Variants in OSBPL6 observed in about 807,000 individuals in gnomAD.
OSBPL6 encodes oxysterol-binding protein-related protein 6.
A neutral mutation model predicts 125.8 loss-of-function variants in OSBPL6; 49 were observed. The ratio of observed to expected loss-of-function variants is 0.39; its 90% CI spans 0.31 to 0.49. The LOEUF (loss-of-function observed/expected upper bound fraction) is 0.49. OSBPL6 is among the 20% of genes least tolerant of loss of function. The pLI, the probability that OSBPL6 is intolerant of heterozygous loss-of-function variation, is 0.88. For missense variants in OSBPL6, 986 were observed against 1,135.4 expected, an observed-to-expected ratio of 0.87 and a Z score of 1.89; for synonymous variants, 394 against 391.8, an observed-to-expected ratio of 1.01 and a Z score of -0.07.
intron 1 of OSBPL6, among the ~76,000 whole-genome samples, chr2:178,263,424 G>A (rs938755700): frequency 2.6e-5 from 4 of 152,224 alleles, no homozygotes; most frequent in African/African-American, 9.6e-5. Context: ...GTTGCAGTGA[G>A]CTGAGATTGC....
chr2:178,202,235 C>CT (rs1226879625), intron 1 of OSBPL6, among the ~76,000 whole-genome samples: 1 of 151,980 alleles, frequency 6.6e-6, no homozygotes, highest in African/African-American at 2.4e-5. Context: ...CCTTTCATTC[C>CT]TTTTTGCAGA....
chr2:178,323,498 T>C (rs540903474), intron 3 of OSBPL6: 2 of 152,270 alleles, frequency 1.3e-5, no homozygotes, highest in Admixed American at 1.3e-4. Context: ...AGTTTCCTTC[T>C]TGTTGCCCAG....
At chr2:178,269,512 A>G (rs930837208) in intron 1 of OSBPL6, among the ~76,000 whole-genome samples, 1 of 152,214 alleles carries the variant, frequency 6.6e-6, no homozygotes, top group South Asian at 2.1e-4. Context: ...CCCAACAGCA[A>G]TGTAAGAGAA....
At chr2:178,204,434 A>G (rs2089428663) in intron 1 of OSBPL6, among the ~76,000 whole-genome samples, 1 of 152,146 alleles carries the variant, frequency 6.6e-6, no homozygotes, top group Non-Finnish European at 1.5e-5. Context: ...TGTCAGCTCA[A>G]GTCTGCTGCC....
At chr2:178,255,690 T>C (rs942168950) in intron 1 of OSBPL6, among the ~76,000 whole-genome samples, 3 of 152,184 alleles carry the variant, frequency 2.0e-5, no homozygotes, top group Non-Finnish European at 4.4e-5. Context: ...TTCCTTCATA[T>C]CACTGTGGGA....
chr2:178,356,890 T>C (rs1292630906), intron 12 of OSBPL6, among the ~76,000 whole-genome samples: 2 of 152,150 alleles, frequency 1.3e-5, no homozygotes, highest in Admixed American at 6.5e-5. Flanking sequence ...CCAAAACAGA[T>C]ACATAGACCA....
chr2:178,316,535 CCA>C (rs1574848466), intron 3 of OSBPL6, among the ~76,000 whole-genome samples: 2 of 152,116 alleles, frequency 1.3e-5, no homozygotes, highest in African/African-American at 2.4e-5. Context: ...ACCTCTGTAG[CCA>C]CAGTTTCCAG....
chr2:178,196,017 G>A (rs773653020), intron 1 of OSBPL6, among the ~76,000 whole-genome samples: 3 of 134,666 alleles, frequency 2.2e-5, no homozygotes, highest in African/African-American at 8.6e-5. Context: ...CCCAACCCCC[G>A]CTTTATTTTT....
chr2:178,270,647 A>C (rs887500461), intron 1 of OSBPL6, among the ~76,000 whole-genome samples: 1 of 152,188 alleles, frequency 6.6e-6, no homozygotes, highest in Non-Finnish European at 1.5e-5. Context: ...AGCCTCACAA[A>C]AGTTGGATGT....
At chr2:178,281,498 T>G (rs1355938364) in intron 1 of OSBPL6, among the ~76,000 whole-genome samples, 1 of 152,174 alleles carries the variant, frequency 6.6e-6, no homozygotes, top group Admixed American at 6.5e-5. Flanking sequence ...GGCTAGCCAG[T>G]TCTCCCAGCA....
rs1458880082 is a variant in OSBPL6 at position 178,257,116 on chromosome 2, A to G, written c.-350-27811A>G. On this transcript the variant is annotated intron_variant, in intron 1 of 24. Coordinates refer to ENST00000190611, the MANE Select transcript of OSBPL6 (RefSeq NM_032523.4). ...TAAGTACAGTTGAGTCCCATTAAGA[A>G]TTTAATGTCTATTACCCCCAATGTA... Among the ~76,000 whole-genome samples, 7 of 152,246 alleles carry G rather than the reference A, an allele frequency of 4.6e-5. No homozygotes were observed. The South Asian group carries it at 8.3e-4, about 18-fold the overall frequency.
At position 178,399,560 on chromosome 2, in the gene OSBPL6, ATTG is replaced by A. The variant is rs1417561561; in HGVS notation, c.*4006_*4008del. On this transcript the variant is annotated 3_prime_UTR_variant, in exon 25 of 25. Transcript: ENST00000190611. ...GATCTAAAGAAGGAGGTCTTTAAAA[ATTG>A]TTGTGATGGACCAACATGTCCAACA... 6.6e-6 allele frequency: 1 copy of A among 152,224 alleles called. No homozygotes were observed. The highest frequency in any genetic ancestry group is 1.9e-4 in the East Asian group (1 of 5,202). 9.4% of individuals were successfully genotyped at this position (152,224 alleles called of 1,614,324 possible).
Position 178,400,499 on chromosome 2 carries a change from C to T in OSBPL6, c.*4940C>T. ...CGGGGGTTTTGCCATGTTGGCCAGG[C>T]TGGTCTCGAACTCCTGACCTCAAGT... On this transcript the variant is annotated 3_prime_UTR_variant, in exon 25 of 25. Transcript: ENST00000190611. The T allele has an allele frequency of 6.6e-6, 1 of 152,236 alleles. No individual in the cohort carries two copies. Among genetic ancestry groups the T allele is most frequent in the Non-Finnish European group, 1.5e-5 (1 of 68,068 alleles). 9.4% of individuals were successfully genotyped at this position (152,236 alleles called of 1,614,324 possible). A position where few individuals can be genotyped will look rare whatever the true frequency, so the allele number is the denominator to read the frequency against.
chr2:178,289,936 G>A (rs7587549), intron 2 of OSBPL6, among the ~76,000 whole-genome samples: 55,539 of 151,948 alleles, frequency 0.37, 11,390 homozygotes, highest in East Asian at 0.65. Flanking sequence ...TGTACTTTAC[G>A]TAGTGCCACC....
intron 4 of OSBPL6, among the ~76,000 whole-genome samples, chr2:178,325,342 T>C (rs544299935): frequency 7.2e-4 from 110 of 152,312 alleles, no homozygotes; most frequent in South Asian, 2.1e-3. Context: ...AAGAACACTT[T>C]ACTACCCAAC....
chr2:178,389,878 ACT>A (rs1329993351), intron 21 of OSBPL6, among the ~76,000 whole-genome samples: 1 of 151,992 alleles, frequency 6.6e-6, no homozygotes, highest in African/African-American at 2.4e-5. Context: ...GAGTCTTAAG[ACT>A]CTAATATTTT....
intron 2 of OSBPL6, among the ~76,000 whole-genome samples, chr2:178,294,924 G>A (rs1284219808): frequency 3.5e-5 from 5 of 142,830 alleles, no homozygotes; most frequent in African/African-American, 7.9e-5. Flanking sequence ...AGCAATTTTC[G>A]AGGTCTTTTT....
rs548832001 is a variant in OSBPL6, at chr2:178,361,922, G to C, written c.1287+107G>C. ...AGGGAGGTGGCTAGTCATGGGGATA[G>C]TACAGTTTGCAGAATTTCCCCCAAA... On this transcript the variant is annotated intron_variant, in intron 13 of 24. Transcript: ENST00000190611. The C allele has an allele frequency of 1.2e-5, 16 of 1,332,220 alleles. No individual in the cohort carries two copies. The African/African-American group carries it at 1.8e-4, about 15-fold the overall frequency. 82.5% of individuals were successfully genotyped at this position (1,332,220 alleles called of 1,614,324 possible). A position where few individuals can be genotyped will look rare whatever the true frequency, so the allele number is the denominator to read the frequency against.
At chr2:178,333,140 T>C in intron 8 of OSBPL6, 99 bp downstream of exon 8, 1 of 1,354,682 alleles carries the variant, frequency 7.4e-7, no homozygotes, top group Non-Finnish European at 1.0e-6. Context: ...CCCAGCACTT[T>C]GGGAGGCCAA....
Sources: allele counts gnomAD v4.1 joint callset (sites outside exome capture counted in the v4.1 genomes callset), GRCh38; gene constraint gnomAD v4.1.1; transcripts MANE v1.5; gene names NCBI Gene and HGNC (gene_info 2026-07-23, HGNC 2026-07-21).